The following STT3A variants were observed in gnomAD, a reference collection of about 807,000 sequenced individuals.
STT3A encodes STT3 oligosaccharyltransferase complex catalytic subunit A, also known as dolichyl-diphosphooligosaccharide--protein glycosyltransferase subunit STT3A.
Under a neutral mutation model 89.2 loss-of-function variants are expected in STT3A, and 34 were observed. That is an observed-to-expected ratio of 0.38 (90% CI 0.29 to 0.51). The LOEUF (loss-of-function observed/expected upper bound fraction) is 0.51, where lower values mean the gene tolerates loss of function less well. Among genes scored for constraint, STT3A ranks in the 20% least tolerant of loss-of-function variants. The pLI is 0.89. For missense variants in STT3A, 555 were observed against 889.5 expected (o/e 0.62, Z 4.78); for synonymous variants, 282 against 310.3 (o/e 0.91, Z 0.96).
intron 15 of STT3A, among the ~76,000 whole-genome samples, chr11:125,617,864 A>G (rs1387788259): frequency 6.6e-6 from 1 of 152,256 alleles, no homozygotes; most frequent in Non-Finnish European, 1.5e-5. Flanking sequence ...AACAGGTGAA[A>G]GTAATTTTAA....
intron 6 of STT3A, among the ~76,000 whole-genome samples, chr11:125,604,996 GGAGACTGAAGTGGGAGGATCGCTT>G (rs1939789632): frequency 6.6e-6 from 1 of 152,184 alleles, no homozygotes; most frequent in African/African-American, 2.4e-5. Context: ...CAGCTACTCT[GGAGACTGAAGTGGGAGGATCGCTT>G]GAGCCTGGGA....
intron 5 of STT3A, among the ~76,000 whole-genome samples, chr11:125,603,225 G>A (rs942635194): frequency 6.6e-6 from 1 of 152,024 alleles, no homozygotes; most frequent in African/African-American, 2.4e-5. Flanking sequence ...TGTGAGGTTT[G>A]GATTTTGAAG....
chr11:125,607,026 C>T (rs777121841), intron 8 of STT3A, among the ~76,000 whole-genome samples: 31 of 152,168 alleles, frequency 2.0e-4, no homozygotes, highest in Admixed American at 9.2e-4. Flanking sequence ...ACTTATGAAG[C>T]GTGACTTAGG....
chr11:125,609,448 T>G lies in STT3A; in HGVS notation c.976T>G (p.Trp326Gly). The G allele has an allele frequency of 6.2e-7, 1 of 1,609,598 alleles. No individual in the cohort carries two copies. ...LLMLTGKISP[W>G]TGRFYSLLDP... ...TTTGCTGCTAGGAAAAATATCTCCC[T>G]GGACGGGGCGTTTCTACTCGCTGCT... The change falls in exon 10 of 18, where the codon TGG (tryptophan) becomes GGG (glycine). Residue 326 changes from tryptophan to glycine, a missense_variant. Trp to Gly is a radical substitution (Grantham distance 184, BLOSUM62 -2). This residue lies in a region of STT3A where 149 missense variants were observed against 206.2 expected (regional missense o/e 0.72). Transcript: ENST00000392708.
In STT3A at chr11:125,621,210, T is replaced by C. The variant is rs1430667635; in HGVS notation, c.*400T>C. On this transcript the variant is annotated 3_prime_UTR_variant, in exon 18 of 18. Transcript: ENST00000392708. ...CTTCTTTCTCAAATCAGGAAAACTA[T>C]CAAAGACCAATTCAGATCCTACATT... 1.2e-5 allele frequency: 2 copies of C among 164,486 alleles called. No homozygotes were observed. The highest frequency in any genetic ancestry group is 2.4e-5 in the African/African-American group (1 of 41,856). 10.2% of individuals were successfully genotyped at this position (164,486 alleles called of 1,614,324 possible). A position where few individuals can be genotyped will look rare whatever the true frequency, so the allele number is the denominator to read the frequency against.
At chr11:125,605,585 C>G (rs1159122190) in intron 6 of STT3A, 44 bp from the exon 7 acceptor site, 3 of 1,439,018 alleles carry the variant, frequency 2.1e-6, no homozygotes, top group African/African-American at 2.8e-5. Context: ...AATGACTATA[C>G]TAGCCTGGCC....
intron 7 of STT3A, 117 bp from the exon 8 acceptor site, chr11:125,606,184 T>A (rs1939830315): frequency 9.8e-7 from 1 of 1,019,472 alleles, no homozygotes; most frequent in South Asian, 1.7e-5. Context: ...TTGGCATAAA[T>A]AAAGTTATAG....
intron 9 of STT3A, among the ~76,000 whole-genome samples, chr11:125,609,051 C>T (rs1165783730): frequency 1.3e-5 from 2 of 152,170 alleles, no homozygotes; most frequent in South Asian, 2.1e-4. Flanking sequence ...TTTGCTTTCT[C>T]AGAGATGAAT....
upstream of STT3A, chr11:125,592,515 C>T: frequency 1.3e-5 from 6 of 454,768 alleles, no homozygotes; most frequent in South Asian, 6.2e-5. Context: ...TGTCACATGA[C>T]GGGAGTCAGT....
Position 125,606,098 on chromosome 11 carries a change from T to C in STT3A, c.616-203T>C, listed in dbSNP as rs12365334. 7.6e-3 allele frequency: 3,954 copies of C among 522,850 alleles called. 39 individuals carry two copies. The highest frequency in any genetic ancestry group is 0.01 in the Non-Finnish European group (3,049 of 300,926). 32.4% of individuals were successfully genotyped at this position (522,850 alleles called of 1,614,324 possible). Reference sequence around the variant, plus strand: ...TTCTTTTTTAAAATTTATTTTATTTTGTGTGACCTGTACATGTAAGGACTT... The same window carrying C: ...TTCTTTTTTAAAATTTATTTTATTTCGTGTGACCTGTACATGTAAGGACTT... On this transcript the variant is annotated intron_variant, in intron 7 of 17. Coordinates refer to ENST00000392708, the MANE Select transcript of STT3A (RefSeq NM_152713.5).
intron 15 of STT3A, among the ~76,000 whole-genome samples, chr11:125,615,865 C>T (rs182427862): frequency 7.2e-5 from 11 of 152,070 alleles, no homozygotes; most frequent in African/African-American, 2.2e-4. Flanking sequence ...GATGAAACCC[C>T]GTCTCTACTA....
At chr11:125,607,126 A>T (rs726061) in intron 8 of STT3A, among the ~76,000 whole-genome samples, 42,799 of 152,036 alleles carry the variant, frequency 0.28, 6,223 homozygotes, top group East Asian at 0.41. Context: ...TTTTTCACTT[A>T]CAGTACGGTA....
Position 125,613,933 on chromosome 11 carries a change from G to T in STT3A, c.1555-154G>T. ...ATATAAATGGAAGACCAGGTGCCAG[G>T]ATTTATTTTCTGGTTTGACATGCAT... On this transcript the variant is annotated intron_variant, in intron 13 of 17. Transcript: ENST00000392708. The surrounding 1 kb of genome is among the most constrained non-coding windows in gnomAD (Gnocchi z 4.2). The T allele has an allele frequency of 1.5e-6, 1 of 662,230 alleles. No homozygotes were observed. Among genetic ancestry groups the T allele is most frequent in the Non-Finnish European group, 2.7e-6 (1 of 370,250 alleles). 41.0% of individuals were successfully genotyped at this position (662,230 alleles called of 1,614,324 possible). A position where few individuals can be genotyped will look rare whatever the true frequency, so the allele number is the denominator to read the frequency against.
At position 125,599,147 on chromosome 11, in the gene STT3A, A is replaced by G. The variant is rs113102304; in HGVS notation, c.149+2028A>G. ...CTTCCTCTCTCACTCTGCCTCTCCT[A>G]CTGGTAGCTAAAGGACACAATTCTG... On this transcript the variant is annotated intron_variant, in intron 3 of 17. Transcript: ENST00000392708. 9.9e-4 allele frequency among the ~76,000 whole-genome samples: 151 copies of G among 152,198 alleles called. 1 individual carries two copies. Among genetic ancestry groups the G allele is most frequent in the African/African-American group, 3.5e-3 (147 of 41,554 alleles).
rs1940390765 is a variant in STT3A, at chr11:125,623,015, G to A, written c.*2205G>A. The A allele has an allele frequency of 7.1e-6, 1 of 141,584 alleles. No individual in the cohort carries two copies. Among genetic ancestry groups the A allele is most frequent in the South Asian group, 2.3e-4 (1 of 4,398 alleles). 8.8% of individuals were successfully genotyped at this position (141,584 alleles called of 1,614,324 possible). On this transcript the variant is annotated 3_prime_UTR_variant, in exon 18 of 18. Coordinates refer to ENST00000392708, the MANE Select transcript of STT3A (RefSeq NM_152713.5). Reference sequence around the variant, plus strand: ...TTGCCCAGGAGGTGGAGGTTGCAGTGAGCAGACATCATGCCACTGCACTCC... The same window carrying A: ...TTGCCCAGGAGGTGGAGGTTGCAGTAAGCAGACATCATGCCACTGCACTCC...
chr11:125,605,571 T>C (rs1939808600), intron 6 of STT3A, 58 bp from the exon 7 acceptor site: 4 of 1,291,158 alleles, frequency 3.1e-6, no homozygotes. Flanking sequence ...AGAACAGTAT[T>C]CTTAATGACT....
At position 125,620,901 on chromosome 11, in the gene STT3A, T is replaced by C; in HGVS notation, c.*91T>C. On this transcript the variant is annotated 3_prime_UTR_variant, in exon 18 of 18. Coordinates refer to ENST00000392708, the MANE Select transcript of STT3A (RefSeq NM_152713.5). ...TTTTTTTTTTTTTTTTAATATGCAG[T>C]TTGTAAGAACAAAACTGGATGGCAT... is the stretch of plus-strand genomic sequence containing the variant. The C allele has an allele frequency of 8.6e-7, 1 of 1,167,238 alleles. No homozygotes were observed. The highest frequency in any genetic ancestry group is 1.5e-5 in the South Asian group (1 of 67,710). The allele number at this position is 1,167,238 out of a possible 1,614,324, so 72.3% of individuals were successfully genotyped here. A position where few individuals can be genotyped will look rare whatever the true frequency, so the allele number is the denominator to read the frequency against.
chr11:125,600,060 T>G (rs1353956257), intron 3 of STT3A, among the ~76,000 whole-genome samples: 1 of 148,908 alleles, frequency 6.7e-6, no homozygotes, highest in Non-Finnish European at 1.5e-5. Context: ...TTATTATTAA[T>G]TTTTTTTGAG....
intron 4 of STT3A, 180 bp from the exon 5 acceptor site, chr11:125,602,623 C>T (rs1446358895): frequency 9.4e-6 from 10 of 1,065,568 alleles, no homozygotes; most frequent in Non-Finnish European, 9.3e-6. Flanking sequence ...TTTATACATT[C>T]TAGACTTCTG....
Sources: gnomAD v4.1 joint callset for allele counts (sites outside exome capture counted in the v4.1 genomes callset) on GRCh38, gnomAD v4.1.1 for gene constraint, gnomAD v4.1.1 regional missense constraint, Gnocchi (gnomAD v3.1) non-coding constraint, MANE v1.5 for transcripts, NCBI Gene and HGNC (gene_info 2026-07-23, HGNC 2026-07-21) for gene names.